MALRD1: variants seen among roughly 807,000 people sequenced by gnomAD.
MALRD1 encodes MAM and LDL receptor class A domain containing 1, also known as MAM and LDL-receptor class A domain-containing protein 1.
MALRD1 carries 247 observed loss-of-function variants against 242.1 expected under a neutral mutation model. The ratio of observed to expected loss-of-function variants is 1.02; its 90% CI spans 0.92 to 1.13. MALRD1 has a LOEUF of 1.13. MALRD1 is among the 50% of genes most tolerant of loss of function. The pLI, the probability that MALRD1 is intolerant of heterozygous loss-of-function variation, is 0.00. For synonymous variants in MALRD1, 995 were observed against 866.6 expected, an observed-to-expected ratio of 1.15 and a Z score of -2.60; for missense variants, 2,989 against 2,533.1, an observed-to-expected ratio of 1.18 and a Z score of -3.86.
At chr10:19,552,907 C>A (rs1290798848) in intron 32 of MALRD1, among the ~76,000 whole-genome samples, 1 of 151,954 alleles carries the variant, frequency 6.6e-6, no homozygotes, top group African/African-American at 2.4e-5. Flanking sequence ...ACAGTTTGAT[C>A]TAAGTGTGGT....
intron 36 of MALRD1, among the ~76,000 whole-genome samples, chr10:19,635,056 A>G (rs1179381063): frequency 1.3e-5 from 2 of 152,204 alleles, no homozygotes; most frequent in African/African-American, 4.8e-5. Context: ...TGCAACTAGT[A>G]CTTGGATCAA....
chr10:19,724,260 G>A (rs1834910456), intron 38 of MALRD1, among the ~76,000 whole-genome samples: 2 of 152,166 alleles, frequency 1.3e-5, no homozygotes, highest in Non-Finnish European at 2.9e-5. Flanking sequence ...TGGCGGGAGG[G>A]GGAAGCACAC....
At chr10:19,464,844 T>C (rs549307058) in intron 29 of MALRD1, among the ~76,000 whole-genome samples, 2 of 152,318 alleles carry the variant, frequency 1.3e-5, no homozygotes, top group African/African-American at 4.8e-5. Flanking sequence ...TCCCCGAACA[T>C]GGGACGTGTT....
chr10:19,186,314 T>A (rs148436614), intron 14 of MALRD1, among the ~76,000 whole-genome samples: 2 of 152,212 alleles, frequency 1.3e-5, no homozygotes, highest in African/African-American at 4.8e-5. Flanking sequence ...GGAGGTTGTT[T>A]CTGGTGAAGG....
intron 24 of MALRD1, among the ~76,000 whole-genome samples, chr10:19,332,228 A>T (rs1272069846): frequency 6.7e-6 from 1 of 149,372 alleles, no homozygotes; most frequent in Non-Finnish European, 1.5e-5. Flanking sequence ...AAGACAATTC[A>T]TGCAGGACTG....
chr10:19,524,071 A>G (rs1589194087), intron 31 of MALRD1, among the ~76,000 whole-genome samples: 2 of 152,230 alleles, frequency 1.3e-5, no homozygotes, highest in African/African-American at 2.4e-5. Context: ...ATCAAATGCT[A>G]TGAGAAAAAT....
At chr10:19,276,196 T>G (rs1840514845) in intron 19 of MALRD1, among the ~76,000 whole-genome samples, 1 of 152,182 alleles carries the variant, frequency 6.6e-6, no homozygotes, top group African/African-American at 2.4e-5. Flanking sequence ...AAAGGCAAAC[T>G]TTCATTGAAA....
intron 5 of MALRD1, among the ~76,000 whole-genome samples, chr10:19,104,907 T>C (rs962442769): frequency 6.6e-6 from 1 of 152,106 alleles, no homozygotes; most frequent in African/African-American, 2.4e-5. Context: ...AATTGACACA[T>C]AATTGTATAT....
In MALRD1 at chr10:19,373,329, C is replaced by T. The variant is rs547818049; in HGVS notation, c.4442-14199C>T. On this transcript the variant is annotated intron_variant, in intron 26 of 39. Coordinates refer to ENST00000454679, the MANE Select transcript of MALRD1 (RefSeq NM_001142308.3). The stretch of plus-strand genomic sequence containing the variant: ...CAGCCTGGCCAACATGGTGAAACCC[C>T]GTCTCTACTAAAAATACAGAAACAA... 1.5e-4 allele frequency among the ~76,000 whole-genome samples: 23 copies of T among 151,560 alleles called. No homozygotes were observed. The East Asian group carries it at 3.7e-3, about 24-fold the overall frequency.
intron 26 of MALRD1, among the ~76,000 whole-genome samples, chr10:19,387,225 C>G (rs898302194): frequency 1.3e-5 from 2 of 151,296 alleles, no homozygotes; most frequent in African/African-American, 4.9e-5. Context: ...AATTTACATC[C>G]TTGAACACAG....
intron 28 of MALRD1, among the ~76,000 whole-genome samples, chr10:19,447,358 A>C (rs1835054153): frequency 6.6e-6 from 1 of 152,216 alleles, no homozygotes; most frequent in Admixed American, 6.5e-5. Flanking sequence ...ATTTGATATT[A>C]TGAAACAACA....
At chr10:19,383,233 CTGTT>C (rs1845911704) in intron 26 of MALRD1, among the ~76,000 whole-genome samples, 1 of 152,068 alleles carries the variant, frequency 6.6e-6, no homozygotes, top group Non-Finnish European at 1.5e-5. Context: ...GCCCTGGTGT[CTGTT>C]GTTCCTTTCT....
chr10:19,299,019 G>T (rs190531047), intron 21 of MALRD1, among the ~76,000 whole-genome samples: 49 of 151,706 alleles, frequency 3.2e-4, no homozygotes, highest in African/African-American at 1.1e-3. Flanking sequence ...ATGAAACCAA[G>T]AAAATTTGTC....
chr10:19,363,126 G>C (rs1844961569), intron 26 of MALRD1, among the ~76,000 whole-genome samples: 1 of 152,060 alleles, frequency 6.6e-6, no homozygotes, highest in African/African-American at 2.4e-5. Context: ...TCTAAGCTTT[G>C]AGGGAGGCCT....
At chr10:19,519,204 T>C (rs1833773127) in intron 31 of MALRD1, among the ~76,000 whole-genome samples, 1 of 117,922 alleles carries the variant, frequency 8.5e-6, no homozygotes, top group Non-Finnish European at 2.1e-5. Context: ...TTCATCAGCA[T>C]AGTCAAGTTT....
At position 19,209,514 on chromosome 10, in the gene MALRD1, C is replaced by G. The variant is rs1238641419; in HGVS notation, c.2825C>G (p.Thr942Ser). ...AATGCCACTGATACAAAAGGCTGCA[C>G]CTTCCGCTTCTATTACCACATGTTT... ...ILNATDTKGC[T>S]FRFYYHMFGK... The change falls in exon 18 of 40, where the codon ACC (threonine) becomes AGC (serine). Residue 942 changes from threonine to serine, a missense_variant. Thr to Ser is a moderately conservative substitution (Grantham distance 58). Transcript: ENST00000454679. The G allele has an allele frequency of 4.5e-6, 7 of 1,550,706 alleles. No individual in the cohort carries two copies. In the East Asian group the frequency reaches 9.8e-5, roughly 22 times the overall value.
At chr10:19,082,222 C>T (rs1835513762) in intron 2 of MALRD1, among the ~76,000 whole-genome samples, 1 of 151,410 alleles carries the variant, frequency 6.6e-6, no homozygotes, top group Non-Finnish European at 1.5e-5. Context: ...TTACATTTAA[C>T]ATTTTAATTT....
intron 29 of MALRD1, among the ~76,000 whole-genome samples, chr10:19,454,742 A>T (rs1036156736): frequency 6.6e-6 from 1 of 150,640 alleles, no homozygotes; most frequent in African/African-American, 2.5e-5. Context: ...ACACACACAC[A>T]CACACACATT....
intron 28 of MALRD1, among the ~76,000 whole-genome samples, chr10:19,446,412 T>G (rs532577228): frequency 3.2e-4 from 48 of 152,240 alleles, no homozygotes; most frequent in African/African-American, 1.1e-3. Context: ...AGATGTCAAT[T>G]GGAAAAAAGA....
Sources: gnomAD v4.1 joint callset for allele counts (sites outside exome capture counted in the v4.1 genomes callset) on GRCh38, gnomAD v4.1.1 for gene constraint, MANE v1.5 for transcripts, NCBI Gene and HGNC (gene_info 2026-07-23, HGNC 2026-07-21) for gene names.